Variants in PPARGC1B observed in about 807,000 individuals in gnomAD.
PPARGC1B encodes the protein PPARG coactivator 1 beta.
A neutral mutation model predicts 101.6 loss-of-function variants in PPARGC1B; 34 were observed. The observed-to-expected ratio is 0.33, with a 90% CI of 0.25 to 0.45. The LOEUF (loss-of-function observed/expected upper bound fraction) is 0.45. Ranked by LOEUF, PPARGC1B falls within the 20% of genes least tolerant of loss-of-function variation. The probability of loss-of-function intolerance (pLI) is 1.00; values close to 1 mark genes in which losing one functional copy is unlikely to be tolerated. For synonymous variants in PPARGC1B, 548 were observed against 539.3 expected (o/e 1.02, Z -0.22); for missense variants, 1,234 against 1,317.6 (o/e 0.94, Z 0.98).
chr5:149,801,015 G>A (rs1004528284), intron 1 of PPARGC1B, among the ~76,000 whole-genome samples: 7 of 152,278 alleles, frequency 4.6e-5, no homozygotes, highest in Non-Finnish European at 1.0e-4. Context: ...GACATATGGC[G>A]TGGATCAGGT....
chr5:149,789,005 C>A (rs1190119653), intron 1 of PPARGC1B, among the ~76,000 whole-genome samples: 1 of 152,142 alleles, frequency 6.6e-6, no homozygotes, highest in East Asian at 1.9e-4. Context: ...GTGCAGCACA[C>A]CAACATGGCA....
At chr5:149,743,974 T>G (rs547120594) in intron 1 of PPARGC1B, among the ~76,000 whole-genome samples, 2 of 152,288 alleles carry the variant, frequency 1.3e-5, no homozygotes, top group African/African-American at 4.8e-5. Flanking sequence ...TCCCCACATC[T>G]TCCCGGGGGA....
intron 9 of PPARGC1B, among the ~76,000 whole-genome samples, chr5:149,841,580 G>C (rs887849626): frequency 6.6e-6 from 1 of 152,166 alleles, no homozygotes; most frequent in Non-Finnish European, 1.5e-5. Context: ...AGATTTCCAG[G>C]AACAAGCCTG....
At position 149,735,309 on chromosome 5, in the gene PPARGC1B, A is replaced by G. The variant is rs866478777; in HGVS notation, c.78+4889A>G. 1.2e-4 allele frequency among the ~76,000 whole-genome samples: 18 copies of G among 152,010 alleles called. 1 individual carries two copies. The South Asian group carries it at 3.3e-3, about 28-fold the overall frequency. ...CCCCACGGGCTCATATTTCCTCTTTACCTTAGGGCCCTCCTCTTAGCAGCT... is the reference window on the plus strand; with the variant it reads ...CCCCACGGGCTCATATTTCCTCTTTGCCTTAGGGCCCTCCTCTTAGCAGCT... On this transcript the variant is annotated intron_variant, in intron 1 of 11. Transcript: ENST00000309241.
At chr5:149,821,685 T>C (rs1758306677) in intron 2 of PPARGC1B, among the ~76,000 whole-genome samples, 1 of 152,226 alleles carries the variant, frequency 6.6e-6, no homozygotes, top group South Asian at 2.1e-4. Flanking sequence ...TCATGGATTT[T>C]ATCATCCTTT....
intron 1 of PPARGC1B, among the ~76,000 whole-genome samples, chr5:149,761,216 A>G (rs1476387483): frequency 2.0e-5 from 3 of 152,196 alleles, no homozygotes; most frequent in South Asian, 2.1e-4. Context: ...AACATATCCA[A>G]CACCTCACAC....
chr5:149,809,232 CATAG>C (rs780945170), intron 1 of PPARGC1B, among the ~76,000 whole-genome samples: 2 of 8,160 alleles, frequency 2.5e-4, no homozygotes, highest in African/African-American at 9.0e-4. Context: ...CCATCTCTAC[CATAG>C]ATAGATAGAT....
At chr5:149,784,248 G>A (rs190209799) in intron 1 of PPARGC1B, among the ~76,000 whole-genome samples, 40 of 152,086 alleles carry the variant, frequency 2.6e-4, no homozygotes, top group African/African-American at 9.4e-4. Context: ...CTTGAATATA[G>A]ATCACAAATA....
intron 1 of PPARGC1B, among the ~76,000 whole-genome samples, chr5:149,735,250 G>A (rs933598143): frequency 6.6e-6 from 1 of 152,292 alleles, no homozygotes; most frequent in African/African-American, 2.4e-5. Context: ...GGATGCCTGT[G>A]AAACCCAGGA....
intron 1 of PPARGC1B, among the ~76,000 whole-genome samples, chr5:149,754,388 A>G (rs549565200): frequency 1.3e-5 from 2 of 152,044 alleles, no homozygotes; most frequent in Non-Finnish European, 2.9e-5. Flanking sequence ...CTGACTGCCT[A>G]CCCTCTGGGT....
intron 1 of PPARGC1B, among the ~76,000 whole-genome samples, chr5:149,798,188 G>T (rs1055099225): frequency 1.3e-5 from 2 of 152,272 alleles, no homozygotes; most frequent in Admixed American, 1.3e-4. Context: ...CAAAGTCAGC[G>T]TTCAGAACAG....
chr5:149,800,329 C>G (rs144704061), intron 1 of PPARGC1B, among the ~76,000 whole-genome samples: 1 of 152,090 alleles, frequency 6.6e-6, no homozygotes, highest in African/African-American at 2.4e-5. Flanking sequence ...ACCAGTGGTG[C>G]GAAAACATTG....
At chr5:149,752,429 C>G (rs1755346680) in intron 1 of PPARGC1B, among the ~76,000 whole-genome samples, 1 of 152,222 alleles carries the variant, frequency 6.6e-6, no homozygotes, top group Admixed American at 6.5e-5. Context: ...GCCTGGCAAG[C>G]TCATTTTCCT....
chr5:149,799,789 C>T (rs535903685), intron 1 of PPARGC1B, among the ~76,000 whole-genome samples: 185 of 148,938 alleles, frequency 1.2e-3, no homozygotes, highest in African/African-American at 4.4e-3. Context: ...CCTCCGCCTC[C>T]CGGGTTCAAG....
At chr5:149,793,944 T>C (rs544841873) in intron 1 of PPARGC1B, among the ~76,000 whole-genome samples, 1 of 152,362 alleles carries the variant, frequency 6.6e-6, no homozygotes, top group South Asian at 2.1e-4. Flanking sequence ...CGTATGGTCC[T>C]GTGCGCCAAA....
In PPARGC1B at chr5:149,832,329, C is replaced by T. The variant is rs186341419; in HGVS notation, c.583-327C>T. On this transcript the variant is annotated intron_variant, in intron 4 of 11. Transcript: ENST00000309241. The surrounding 1 kb of genome is among the most constrained non-coding windows in gnomAD (Gnocchi z 4.9). ...CGCCCAGCTCCAGGCTACCATGAAC[C>T]TACTGCCCGGCTCTTGGCTGAGGGG... 6.6e-6 allele frequency among the ~76,000 whole-genome samples: 1 copy of T among 152,300 alleles called. No homozygotes were observed. Among genetic ancestry groups the T allele is most frequent in the Admixed American group, 6.5e-5 (1 of 15,302 alleles).
At chr5:149,787,510 G>A (rs7718428) in intron 1 of PPARGC1B, among the ~76,000 whole-genome samples, 4,551 of 152,254 alleles carry the variant, frequency 0.03, 190 homozygotes, top group African/African-American at 0.1. Flanking sequence ...ACCTTTTGCC[G>A]GTGTCTATTG....
intron 1 of PPARGC1B, among the ~76,000 whole-genome samples, chr5:149,757,448 T>A (rs1755573185): frequency 6.6e-6 from 1 of 152,072 alleles, no homozygotes; most frequent in Non-Finnish European, 1.5e-5. Context: ...AGTGGATAAG[T>A]GCATTTGAGG....
Position 149,832,518 on chromosome 5 carries a change from TG to T in PPARGC1B, c.583-134del. ...AGGTGCCCGGCTCTGTGTGGGAAGC[TG>T]GGGACGGAATGAAGGAAACCTGGCT... On this transcript the variant is annotated intron_variant, in intron 4 of 11. Coordinates refer to ENST00000309241, the MANE Select transcript of PPARGC1B (RefSeq NM_133263.4). The surrounding 1 kb of genome is among the most constrained non-coding windows in gnomAD (Gnocchi z 4.9). 1.4e-6 allele frequency: 1 copy of T among 705,328 alleles called. No individual in the cohort carries two copies. The highest frequency in any genetic ancestry group is 2.3e-6 in the Non-Finnish European group (1 of 428,716). 43.7% of individuals were successfully genotyped at this position (705,328 alleles called of 1,614,324 possible).
Sources: gnomAD v4.1 joint callset for allele counts (sites outside exome capture counted in the v4.1 genomes callset) on GRCh38, gnomAD v4.1.1 for gene constraint, Gnocchi (gnomAD v3.1) non-coding constraint, MANE v1.5 for transcripts, NCBI Gene and HGNC (gene_info 2026-07-23, HGNC 2026-07-21) for gene names.